Variants in DMBT1 observed in about 807,000 individuals in gnomAD.
The protein encoded by DMBT1 is scavenger receptor cysteine-rich domain-containing protein DMBT1.
Under a neutral mutation model 252.9 loss-of-function variants are expected in DMBT1, and 198 were observed. That is an observed-to-expected ratio of 0.78 (90% CI 0.70 to 0.88). DMBT1 has a LOEUF of 0.88. Among genes scored for constraint, DMBT1 ranks in the 40% least tolerant of loss-of-function variants. The probability of loss-of-function intolerance (pLI) is 0.00; values close to 1 mark genes in which losing one functional copy is unlikely to be tolerated. For synonymous variants in DMBT1, 990 were observed against 942.7 expected (o/e 1.05, Z -0.92); for missense variants, 2,432 against 2,404.7 (o/e 1.01, Z -0.24).
chr10:122,575,530 G>T (rs2097705001), intron 6 of DMBT1, among the ~76,000 whole-genome samples: 2 of 152,008 alleles, frequency 1.3e-5, no homozygotes, highest in South Asian at 4.1e-4. Context: ...TTTTGGGGGG[G>T]TGTGGTGGGG....
intron 1 of DMBT1, 75 bp from the exon 2 acceptor site, chr10:122,565,892 C>T: frequency 1.3e-6 from 2 of 1,497,452 alleles, no homozygotes; most frequent in Non-Finnish European, 9.2e-7. Context: ...TACGGTGAAG[C>T]TAAAGCCAAT....
chr10:122,571,265 T>G (rs1367308964), intron 4 of DMBT1, among the ~76,000 whole-genome samples: 1 of 152,206 alleles, frequency 6.6e-6, no homozygotes, highest in Non-Finnish European at 1.5e-5. Context: ...CTTCTGAAGC[T>G]GGACGTGGTG....
At chr10:122,567,207 G>A (rs1465531393) in intron 2 of DMBT1, among the ~76,000 whole-genome samples, 1 of 152,226 alleles carries the variant, frequency 6.6e-6, no homozygotes, top group Non-Finnish European at 1.5e-5. Context: ...GGGAGAGGCT[G>A]AGGCAGGGAG....
chr10:122,567,610 G>C (rs2097607971), intron 2 of DMBT1, among the ~76,000 whole-genome samples: 1 of 152,132 alleles, frequency 6.6e-6, no homozygotes, highest in African/African-American at 2.4e-5. Flanking sequence ...CCAGGATCTG[G>C]CTCCTACTGT....
chr10:122,620,535 C>T (rs2098055577), intron 43 of DMBT1, among the ~76,000 whole-genome samples: 2 of 152,226 alleles, frequency 1.3e-5, no homozygotes, highest in Admixed American at 6.5e-5. Context: ...CAGCCAGGTG[C>T]TCAGGACAAG....
intron 1 of DMBT1, among the ~76,000 whole-genome samples, chr10:122,562,163 A>C (rs2097553118): frequency 7.4e-6 from 1 of 135,634 alleles, no homozygotes. Context: ...CTCTTTATTC[A>C]TTTCTTTCTT....
At chr10:122,640,803 G>A (rs143279503) in intron 55 of DMBT1, among the ~76,000 whole-genome samples, 1 of 152,254 alleles carries the variant, frequency 6.6e-6, no homozygotes, top group East Asian at 1.9e-4. Context: ...CCAGCCATAC[G>A]GTTAAAAAGA....
chr10:122,591,655 G>C, intron 19 of DMBT1, 138 bp downstream of exon 19: 1 of 1,031,152 alleles, frequency 9.7e-7, no homozygotes, highest in Non-Finnish European at 1.4e-6. Context: ...AGGAAGTTGA[G>C]TCTCTGGGGA....
At chr10:122,591,057 G>T (rs1187851648) in intron 18 of DMBT1, among the ~76,000 whole-genome samples, 2 of 148,604 alleles carry the variant, frequency 1.3e-5, no homozygotes, top group African/African-American at 4.9e-5. Flanking sequence ...CAGAGGCTGT[G>T]CTCAGGCAGG....
chr10:122,587,642 AG>A (rs2097802471), intron 16 of DMBT1, among the ~76,000 whole-genome samples: 1 of 148,324 alleles, frequency 6.7e-6, no homozygotes, highest in Non-Finnish European at 1.5e-5. Context: ...GCAGACACAA[AG>A]TCCTTCAAAC....
At position 122,618,076 on chromosome 10, in the gene DMBT1, G is replaced by A. The variant is rs1285818396; in HGVS notation, c.4951G>A (p.Val1651Met). Residue 1651 changes from valine (V) to methionine (M), a missense_variant, in exon 41 of 56, where the codon GTG becomes ATG. Transcript: ENST00000338354. ...VNGGDRCRGRVEVLYQGSWGT... is the reference protein window; with the variant it reads ...VNGGDRCRGRMEVLYQGSWGT... ...TGGAGGTGACAGGTGTCGAGGCCGA[G>A]TGGAGGTCCTATACCAAGGCTCCTG... The A allele has an allele frequency of 1.9e-6, 3 of 1,613,822 alleles. No homozygotes were observed. The highest frequency in any genetic ancestry group is 2.7e-5 in the African/African-American group (2 of 75,034).
intron 41 of DMBT1, 148 bp from the exon 42 acceptor site, chr10:122,619,160 G>A: frequency 9.7e-7 from 1 of 1,032,346 alleles, no homozygotes; most frequent in Non-Finnish European, 1.5e-6. Context: ...GCATCTCTGT[G>A]GGAATTTACA....
chr10:122,618,200 A>C lies in DMBT1; in HGVS notation c.5075A>C (p.Gln1692Pro). ...GCCATGTCAGCCCCAGGAAATGCCC[A>C]GTTTGGCCAGGGCTCAGGACCCATT... is the stretch of plus-strand genomic sequence containing the variant. ...GWAMSAPGNA[Q>P]FGQGSGPIVL... Residue 1692 changes from glutamine (Q) to proline (P), a missense_variant, in exon 41 of 56, where the codon CAG (glutamine) becomes CCG (proline). Physicochemically the swap from Gln to Pro is moderately conservative, Grantham distance 76. Transcript: ENST00000338354. 2 of 1,613,884 alleles carry C rather than the reference A, an allele frequency of 1.2e-6. No individual in the cohort carries two copies. Among genetic ancestry groups the C allele is most frequent in the Non-Finnish European group, 8.5e-7 (1 of 1,179,818 alleles).
At chr10:122,564,922 C>T (rs1434673433) in intron 1 of DMBT1, among the ~76,000 whole-genome samples, 1 of 152,082 alleles carries the variant, frequency 6.6e-6, no homozygotes, top group Admixed American at 6.6e-5. Flanking sequence ...GAAACATCTT[C>T]CCTTGTCAGT....
chr10:122,637,231 A>G lies in DMBT1; in HGVS notation c.6861A>G (p.Gly2287=). 1 of 1,613,976 alleles carries G rather than the reference A, an allele frequency of 6.2e-7. No individual in the cohort carries two copies. Among genetic ancestry groups the G allele is most frequent in the Non-Finnish European group, 8.5e-7 (1 of 1,179,890 alleles). Residue 2287 remains glycine, a synonymous_variant, in exon 54 of 56, where the codon GGA becomes GGG. Coordinates refer to ENST00000338354, the MANE Select transcript of DMBT1 (RefSeq NM_001377530.1). ...ACCTTGTCATTTCCACCTGGAATGG[A>G]TACTACGAGTGTCGGCCCCAGATAA... The part of the protein sequence containing the change: ...ASDLVISTWN[G]YYECRPQITP...
intron 6 of DMBT1, among the ~76,000 whole-genome samples, chr10:122,574,272 T>C (rs2097692352): frequency 6.6e-6 from 1 of 152,184 alleles, no homozygotes; most frequent in Non-Finnish European, 1.5e-5. Flanking sequence ...TACTTCCCCC[T>C]TGGGTATCTC....
chr10:122,622,574 C>G (rs944022698), intron 44 of DMBT1, among the ~76,000 whole-genome samples: 1 of 152,166 alleles, frequency 6.6e-6, no homozygotes, highest in Non-Finnish European at 1.5e-5. Flanking sequence ...TGGGCAGCCC[C>G]AAGTCTATAT....
chr10:122,637,232 T>C lies in DMBT1; in HGVS notation c.6862T>C (p.Tyr2288His). Residue 2288 changes from tyrosine to histidine, a missense_variant, in exon 54 of 56, where the codon TAC becomes CAC. By Grantham distance (83) the Tyr-to-His change is moderately conservative. Transcript: ENST00000338354. ...SDLVISTWNG[Y>H]YECRPQITPN... ...CCTTGTCATTTCCACCTGGAATGGA[T>C]ACTACGAGTGTCGGCCCCAGATAAC... The C allele has an allele frequency of 6.2e-7, 1 of 1,614,014 alleles. No individual in the cohort carries two copies. Among genetic ancestry groups the C allele is most frequent in the Non-Finnish European group, 8.5e-7 (1 of 1,179,894 alleles).
rs1164749412 is a variant in DMBT1, at chr10:122,560,979, C to G, written c.61+148C>G. 3 of 552,592 alleles carry G rather than the reference C, an allele frequency of 5.4e-6. No individual in the cohort carries two copies. In the African/African-American group the frequency reaches 5.7e-5, roughly 11 times the overall value. The allele number at this position is 552,592 out of a possible 1,614,324, so 34.2% of individuals were successfully genotyped here. On this transcript the variant is annotated intron_variant, in intron 1 of 55. Coordinates refer to ENST00000338354, the MANE Select transcript of DMBT1 (RefSeq NM_001377530.1). ...ATAATTGTAATTGTTTGCAGGTATT[C>G]AGGAGGAATGGCTCTTTTTTGTTTT... is the stretch of plus-strand genomic sequence containing the variant.
Sources: gnomAD v4.1 joint callset for allele counts (sites outside exome capture counted in the v4.1 genomes callset) on GRCh38, gnomAD v4.1.1 for gene constraint, MANE v1.5 for transcripts, NCBI Gene and HGNC (gene_info 2026-07-23, HGNC 2026-07-21) for gene names.